The following GALNT13 variants were observed in gnomAD, a reference collection of about 807,000 sequenced individuals.
GALNT13 encodes the protein polypeptide N-acetylgalactosaminyltransferase 13.
Under a neutral mutation model 64.2 loss-of-function variants are expected in GALNT13, and 28 were observed. The ratio of observed to expected loss-of-function variants is 0.44; its 90% CI spans 0.32 to 0.60. The LOEUF is 0.60. Ranked by LOEUF, GALNT13 falls within the 20% of genes least tolerant of loss-of-function variation. The pLI is 0.05. For synonymous variants in GALNT13, 214 were observed against 224.6 expected (o/e 0.95, Z 0.42); for missense variants, 577 against 669.8 (o/e 0.86, Z 1.53).
At chr2:154,222,777 A>T (rs1260752299) in intron 4 of GALNT13, among the ~76,000 whole-genome samples, 1 of 152,088 alleles carries the variant, frequency 6.6e-6, no homozygotes, top group Non-Finnish European at 1.5e-5. Context: ...GGACGGGTTG[A>T]GGATTTATGC....
the GALNT13 span, among the ~76,000 whole-genome samples, chr2:153,225,978 A>T: frequency 1.3e-5 from 2 of 151,352 alleles, no homozygotes; most frequent in Admixed American, 6.6e-5. Flanking sequence ...CTGTTGCCCC[A>T]GCTAGAGTAC....
the GALNT13 span, among the ~76,000 whole-genome samples, chr2:153,630,822 T>TTA: frequency 1.1e-5 from 1 of 91,990 alleles, no homozygotes; most frequent in Non-Finnish European, 2.3e-5. Context: ...TTTTTTTTTT[T>TTA]TTATTATACT....
At chr2:153,910,846 G>C (rs564440277) in intron 2 of GALNT13, among the ~76,000 whole-genome samples, 1 of 152,174 alleles carries the variant, frequency 6.6e-6, no homozygotes, top group African/African-American at 2.4e-5. Context: ...GTCCTATTGT[G>C]TGGTTGATTT....
At chr2:153,646,001 C>T in the GALNT13 span, among the ~76,000 whole-genome samples, 1 of 152,044 alleles carries the variant, frequency 6.6e-6, no homozygotes, top group Non-Finnish European at 1.5e-5. Context: ...TCTCACTTGA[C>T]CCCTGTTTTG....
intron 11 of GALNT13, among the ~76,000 whole-genome samples, chr2:154,417,521 A>ATTTATTTATTTT (rs1553529811): frequency 1.2e-3 from 164 of 139,134 alleles, no homozygotes; most frequent in Middle Eastern, 3.5e-3. Context: ...TTATTTATTT[A>ATTTATTTATTTT]TTTTTTTGAG....
At position 153,916,724 on chromosome 2, in the gene GALNT13, A is replaced by C. The variant is rs191865797; in HGVS notation, c.-105+15717A>C. Among the ~76,000 whole-genome samples, 120 of 152,322 alleles carry C rather than the reference A, an allele frequency of 7.9e-4. 1 individual carries two copies. The highest frequency in any genetic ancestry group is 6.8e-3 in the Middle Eastern group (2 of 292). ...GGTATATTTAGTTTACCTATCTTAT[A>C]TTAGCATAAATTCAGTTTAAGAGAG... On this transcript the variant is annotated intron_variant, in intron 2 of 12. Transcript: ENST00000392825.
rs765871349 is a variant in GALNT13 at position 154,438,592 on chromosome 2, G to T, written c.1396G>T (p.Val466Leu). Reference sequence around the variant, plus strand: ...TTATTAGCTGAATTTATATTTTCAGGTATTTTCTTACACTGCTGACAAAGA... The same window carrying T: ...TTATTAGCTGAATTTATATTTTCAGTTATTTTCTTACACTGCTGACAAAGA... The part of the protein sequence containing the change: ...FNCHGMGGNQ[V>L]FSYTADKEIR... The change falls in exon 12 of 13, where the codon GTA becomes TTA. Residue 466 changes from valine to leucine, a missense_variant and splice_region_variant. By Grantham distance (32) the Val-to-Leu change is conservative. Around this residue, in one of 3 missense-constraint regions of GALNT13, gnomAD observed 232 missense variants for 270.6 expected, o/e 0.86. Transcript: ENST00000392825. The T allele has an allele frequency of 1.2e-6, 2 of 1,606,940 alleles. No homozygotes were observed. The highest frequency in any genetic ancestry group is 1.7e-6 in the Non-Finnish European group (2 of 1,174,730).
chr2:153,495,605 CAT>C, the GALNT13 span, among the ~76,000 whole-genome samples: 1 of 152,134 alleles, frequency 6.6e-6, no homozygotes, highest in East Asian at 1.9e-4. Context: ...ATGCAAACAA[CAT>C]ATTGGATGAA....
At chr2:154,438,411 G>T (rs1237953735) in intron 11 of GALNT13, among the ~76,000 whole-genome samples, 181 bp from the exon 12 acceptor site, 1 of 152,130 alleles carries the variant, frequency 6.6e-6, no homozygotes, top group African/African-American at 2.4e-5. Flanking sequence ...AGATGACTTT[G>T]TCCCTATTTT....
chr2:153,404,585 T>C, the GALNT13 span, among the ~76,000 whole-genome samples: 1 of 152,174 alleles, frequency 6.6e-6, no homozygotes, highest in Admixed American at 6.5e-5. Context: ...TAAGTAAAAT[T>C]AAGGTATTAG....
At chr2:153,268,423 G>A in the GALNT13 span, among the ~76,000 whole-genome samples, 3 of 152,236 alleles carry the variant, frequency 2.0e-5, no homozygotes, top group Non-Finnish European at 2.9e-5. Flanking sequence ...GCCTTGGAAA[G>A]CTCTGCCCCT....
intron 4 of GALNT13, among the ~76,000 whole-genome samples, chr2:154,171,423 T>C (rs188388318): frequency 6.0e-4 from 91 of 152,254 alleles, no homozygotes; most frequent in Non-Finnish European, 1.0e-3. Flanking sequence ...TTTATAAAAA[T>C]GGTTTCATAT....
intron 3 of GALNT13, among the ~76,000 whole-genome samples, chr2:154,079,426 A>G (rs1168500672): frequency 6.6e-6 from 1 of 151,600 alleles, no homozygotes. Context: ...GACTTAGATA[A>G]TTGATAAAAA....
the GALNT13 span, among the ~76,000 whole-genome samples, chr2:153,494,486 T>C: frequency 6.6e-6 from 1 of 152,090 alleles, no homozygotes; most frequent in Middle Eastern, 3.4e-3. Context: ...TTTCAGCAAG[T>C]ACCCCAAAAC....
the GALNT13 span, among the ~76,000 whole-genome samples, chr2:153,284,449 A>C: frequency 6.6e-6 from 1 of 152,230 alleles, no homozygotes; most frequent in South Asian, 2.1e-4. Flanking sequence ...GGGTCACTAA[A>C]GAATGACTGT....
intron 4 of GALNT13, among the ~76,000 whole-genome samples, chr2:154,216,121 C>T (rs1573894157): frequency 6.6e-6 from 1 of 152,134 alleles, no homozygotes; most frequent in East Asian, 1.9e-4. Context: ...TATATACACA[C>T]ATATCCTTTT....
At chr2:154,426,746 G>A (rs984381161) in intron 11 of GALNT13, among the ~76,000 whole-genome samples, 5 of 152,126 alleles carry the variant, frequency 3.3e-5, no homozygotes, top group Admixed American at 6.5e-5. Flanking sequence ...GTTTAAAATG[G>A]GAAGATTTAA....
At chr2:153,536,463 T>G in the GALNT13 span, among the ~76,000 whole-genome samples, 12 of 148,034 alleles carry the variant, frequency 8.1e-5, no homozygotes, top group Non-Finnish European at 1.7e-4. Flanking sequence ...TGATTTTGAG[T>G]TTTTTTTTTT....
chr2:154,430,456 T>G (rs1700660911), intron 11 of GALNT13, among the ~76,000 whole-genome samples: 1 of 152,184 alleles, frequency 6.6e-6, no homozygotes, highest in African/African-American at 2.4e-5. Context: ...ATTGAATTTC[T>G]GCACTCTCAA....
Sources: gnomAD v4.1 joint callset for allele counts (sites outside exome capture counted in the v4.1 genomes callset) on GRCh38, gnomAD v4.1.1 for gene constraint, gnomAD v4.1.1 regional missense constraint, MANE v1.5 for transcripts, NCBI Gene and HGNC (gene_info 2026-07-23, HGNC 2026-07-21) for gene names.